Variants in CACNB2 observed in about 807,000 individuals in gnomAD.
CACNB2 encodes the protein calcium voltage-gated channel auxiliary subunit beta 2.
A neutral mutation model predicts 73.3 loss-of-function variants in CACNB2; 42 were observed. The observed-to-expected ratio is 0.57, with a 90% CI of 0.45 to 0.74. The LOEUF (loss-of-function observed/expected upper bound fraction) is 0.74. Among genes scored for constraint, CACNB2 ranks in the 30% least tolerant of loss-of-function variants. The pLI is 0.00. For missense variants in CACNB2, 940 were observed against 853.0 expected (o/e 1.10, Z -1.27); for synonymous variants, 348 against 310.3 (o/e 1.12, Z -1.28).
intron 2 of CACNB2, among the ~76,000 whole-genome samples, chr10:18,222,747 G>A (rs1361740607): frequency 2.6e-5 from 4 of 152,208 alleles, no homozygotes; most frequent in Admixed American, 6.5e-5. Context: ...GACCAGCCTG[G>A]CCAACATGGT....
At chr10:18,417,696 G>A (rs2045072318) in intron 3 of CACNB2, among the ~76,000 whole-genome samples, 1 of 152,066 alleles carries the variant, frequency 6.6e-6, no homozygotes, top group Non-Finnish European at 1.5e-5. Flanking sequence ...GGATGTCTGT[G>A]TATATCCTTT....
intron 2 of CACNB2, among the ~76,000 whole-genome samples, chr10:18,203,312 G>A (rs2034960991): frequency 2.0e-5 from 3 of 152,286 alleles, no homozygotes; most frequent in African/African-American, 7.2e-5. Context: ...AAGCCGGGCA[G>A]GTTAGCATGG....
At chr10:18,189,947 T>A (rs2034321598) in intron 2 of CACNB2, among the ~76,000 whole-genome samples, 1 of 152,154 alleles carries the variant, frequency 6.6e-6, no homozygotes. Flanking sequence ...AGATACTGTG[T>A]TTTTAGACAG....
At chr10:18,204,661 C>G (rs924041400) in intron 2 of CACNB2, among the ~76,000 whole-genome samples, 2 of 152,194 alleles carry the variant, frequency 1.3e-5, no homozygotes, top group African/African-American at 2.4e-5. Context: ...GATAACAAAA[C>G]TATGGCATGA....
chr10:18,393,913 T>A (rs969782170), intron 2 of CACNB2, among the ~76,000 whole-genome samples: 9 of 152,174 alleles, frequency 5.9e-5, no homozygotes, highest in African/African-American at 2.2e-4. Flanking sequence ...CGGTGTACTT[T>A]CGTTGTGCCT....
chr10:18,485,368 T>C (rs1303185289), intron 3 of CACNB2, among the ~76,000 whole-genome samples: 1 of 152,128 alleles, frequency 6.6e-6, no homozygotes, highest in African/African-American at 2.4e-5. Flanking sequence ...CCTGTAAGTA[T>C]AGTCAGTACC....
chr10:18,294,665 C>T (rs530575807), intron 2 of CACNB2, among the ~76,000 whole-genome samples: 16 of 152,302 alleles, frequency 1.1e-4, no homozygotes, highest in East Asian at 3.9e-4. Flanking sequence ...GAGTCAGCCA[C>T]GGGGAAATGT....
At chr10:18,525,578 G>T (rs934754220) in intron 9 of CACNB2, among the ~76,000 whole-genome samples, 3 of 151,818 alleles carry the variant, frequency 2.0e-5, no homozygotes, top group Non-Finnish European at 2.9e-5. Flanking sequence ...GTTTCTCTTT[G>T]TCCCCAGTGT....
intron 3 of CACNB2, among the ~76,000 whole-genome samples, chr10:18,490,906 C>CCTATTAA (rs1382110357): frequency 6.6e-6 from 1 of 152,000 alleles, no homozygotes; most frequent in African/African-American, 2.4e-5. Flanking sequence ...TGAAGGACAA[C>CCTATTAA]CTATTAACTA....
chr10:18,192,553 G>A (rs980312799), intron 2 of CACNB2, among the ~76,000 whole-genome samples: 4 of 152,004 alleles, frequency 2.6e-5, no homozygotes, highest in Admixed American at 6.6e-5. Flanking sequence ...ATACATTCAC[G>A]ATGTTGTGTA....
At chr10:18,355,990 T>A (rs2041893824) in intron 2 of CACNB2, among the ~76,000 whole-genome samples, 1 of 151,992 alleles carries the variant, frequency 6.6e-6, no homozygotes, top group Non-Finnish European at 1.5e-5. Context: ...GCACATAAAA[T>A]ATGCAAAAAA....
chr10:18,373,094 G>C (rs1253870745), intron 2 of CACNB2, among the ~76,000 whole-genome samples: 1 of 152,076 alleles, frequency 6.6e-6, no homozygotes, highest in Non-Finnish European at 1.5e-5. Context: ...AGGATTACAG[G>C]TGTGAGCCAC....
At chr10:18,469,216 G>A (rs1704848426) in intron 3 of CACNB2, among the ~76,000 whole-genome samples, 1 of 152,078 alleles carries the variant, frequency 6.6e-6, no homozygotes. Context: ...CTCCAGCCTG[G>A]GTGACAGAGG....
chr10:18,394,549 C>A (rs1367482311), intron 2 of CACNB2, among the ~76,000 whole-genome samples: 1 of 152,098 alleles, frequency 6.6e-6, no homozygotes, highest in African/African-American at 2.4e-5. Context: ...GTTATATACT[C>A]ATTTTACAAA....
chr10:18,353,448 G>A (rs767860861), intron 2 of CACNB2, among the ~76,000 whole-genome samples: 11 of 151,930 alleles, frequency 7.2e-5, no homozygotes, highest in Admixed American at 3.9e-4. Flanking sequence ...TGAAACGTAC[G>A]TTTGTATGGA....
chr10:18,304,243 A>G (rs2039640888), intron 2 of CACNB2, among the ~76,000 whole-genome samples: 2 of 152,320 alleles, frequency 1.3e-5, no homozygotes, highest in Admixed American at 1.3e-4. Flanking sequence ...GGTGTGAGCC[A>G]CTTCACCCGG....
At chr10:18,232,367 T>C (rs2036256277) in intron 2 of CACNB2, among the ~76,000 whole-genome samples, 1 of 152,186 alleles carries the variant, frequency 6.6e-6, no homozygotes, top group South Asian at 2.1e-4. Flanking sequence ...CAGTTACTCA[T>C]CCAAGATCTG....
intron 2 of CACNB2, among the ~76,000 whole-genome samples, chr10:18,330,993 CT>C (rs1210037587): frequency 3.3e-4 from 41 of 125,058 alleles, no homozygotes; most frequent in African/African-American, 8.7e-4. Context: ...CATGCCCGGC[CT>C]TTTTTTTTTG....
intron 3 of CACNB2, among the ~76,000 whole-genome samples, chr10:18,465,052 G>A (rs978330778): frequency 2.0e-5 from 3 of 152,194 alleles, no homozygotes; most frequent in African/African-American, 4.8e-5. Flanking sequence ...AGAAACAGCC[G>A]GGCATGGTGG....
Sources: gnomAD v4.1 joint callset for allele counts (sites outside exome capture counted in the v4.1 genomes callset) on GRCh38, gnomAD v4.1.1 for gene constraint, MANE v1.5 for transcripts, NCBI Gene and HGNC (gene_info 2026-07-23, HGNC 2026-07-21) for gene names.